The following USP46 variants were observed in gnomAD, a reference collection of about 807,000 sequenced individuals.
The protein encoded by USP46 is ubiquitin carboxyl-terminal hydrolase 46.
USP46 carries 12 observed loss-of-function variants against 44.4 expected under a neutral mutation model. That is an observed-to-expected ratio of 0.27 (90% confidence interval 0.17 to 0.44). The LOEUF (loss-of-function observed/expected upper bound fraction) is 0.44. Ranked by LOEUF, USP46 falls within the 20% of genes least tolerant of loss-of-function variation. The pLI is 1.00. For missense variants in USP46, 248 were observed against 444.8 expected, an observed-to-expected ratio of 0.56 and a Z score of 3.98; for synonymous variants, 155 against 161.5, an observed-to-expected ratio of 0.96 and a Z score of 0.31.
At chr4:52,630,736 CAAAAA>C (rs10566870) in intron 2 of USP46, among the ~76,000 whole-genome samples, 1 of 92,290 alleles carries the variant, frequency 1.1e-5, no homozygotes, top group Non-Finnish European at 2.2e-5. Flanking sequence ...GACTCTGTCT[CAAAAA>C]AAAAAAAAAA....
intron 1 of USP46, among the ~76,000 whole-genome samples, chr4:52,647,271 A>C (rs1331084316): frequency 9.2e-5 from 14 of 152,226 alleles, no homozygotes. Context: ...CTAAGAGAGA[A>C]ATATAAACAC....
At chr4:52,610,460 G>C in intron 5 of USP46, 81 bp downstream of exon 5, 1 of 1,223,710 alleles carries the variant, frequency 8.2e-7, no homozygotes. Flanking sequence ...GGAAGATTAT[G>C]TCCTGAAGAA....
rs539293981 is a variant in USP46, at chr4:52,616,908, T to G, written c.562-6291A>C. 3.3e-5 allele frequency among the ~76,000 whole-genome samples: 5 copies of G among 152,270 alleles called. No individual in the cohort carries two copies. The East Asian group carries it at 9.6e-4, about 29-fold the overall frequency. Reference sequence around the variant, plus strand: ...AAATAAAAAAGATCACAGGAGAAATTAGAAAATATTTTGAACTAATGCCAA... The same window carrying G: ...AAATAAAAAAGATCACAGGAGAAATGAGAAAATATTTTGAACTAATGCCAA... On this transcript the variant is annotated intron_variant, in intron 4 of 8. Coordinates refer to ENST00000441222, the MANE Select transcript of USP46 (RefSeq NM_022832.4).
chr4:52,607,340 AATGTTCTATACCTGTTGG>A (rs1257546983), intron 5 of USP46, among the ~76,000 whole-genome samples: 2 of 152,202 alleles, frequency 1.3e-5, no homozygotes, highest in East Asian at 3.8e-4. Context: ...GCTGTCAGTT[AATGTTCTATACCTGTTGG>A]AACAAAAGTG....
intron 1 of USP46, among the ~76,000 whole-genome samples, chr4:52,644,203 C>T (rs1718452276): frequency 6.6e-6 from 1 of 152,186 alleles, no homozygotes; most frequent in South Asian, 2.1e-4. Flanking sequence ...GGTTAACTAA[C>T]TTGCCAAGGT....
chr4:52,646,497 T>C (rs1485280982), intron 1 of USP46, among the ~76,000 whole-genome samples: 1 of 152,208 alleles, frequency 6.6e-6, no homozygotes, highest in Admixed American at 6.5e-5. Context: ...TGTGGTGAGC[T>C]ACATCCAGAA....
At chr4:52,598,399 T>C (rs889137307) in intron 8 of USP46, among the ~76,000 whole-genome samples, 2 of 152,190 alleles carry the variant, frequency 1.3e-5, no homozygotes, top group Non-Finnish European at 2.9e-5. Flanking sequence ...AGATCCCATG[T>C]CTATGGATGA....
chr4:52,632,056 GA>G (rs972160881), intron 1 of USP46, among the ~76,000 whole-genome samples: 2 of 151,604 alleles, frequency 1.3e-5, no homozygotes, highest in Non-Finnish European at 2.9e-5. Context: ...AAGGGAAGGG[GA>G]AGAAGGGGAA....
intron 7 of USP46, among the ~76,000 whole-genome samples, chr4:52,599,201 G>A (rs1192707847): frequency 6.6e-6 from 1 of 151,802 alleles, no homozygotes; most frequent in Admixed American, 6.6e-5. Context: ...AGTGAAGGGA[G>A]GCCACTTTGA....
intron 5 of USP46, among the ~76,000 whole-genome samples, chr4:52,606,822 G>C (rs189602566): frequency 8.5e-5 from 13 of 152,298 alleles, no homozygotes; most frequent in African/African-American, 2.6e-4. Flanking sequence ...GGGATGAAAG[G>C]CAAGAAAGCC....
At position 52,632,962 on chromosome 4, in the gene USP46, A is replaced by AAG. The variant is rs1717924048; in HGVS notation, c.37-1820_37-1819dup. On this transcript the variant is annotated intron_variant, in intron 1 of 8. Coordinates refer to ENST00000441222, the MANE Select transcript of USP46 (RefSeq NM_022832.4). ...AAAGAAAGAAAGAAAGAAAGAAAGA[A>AAG]AGAAAGAAAGAAAGAAAGAAAGAAA... Among the ~76,000 whole-genome samples the AAG allele has an allele frequency of 2.2e-4, 18 of 80,264 alleles. 1 individual carries two copies. The highest frequency in any genetic ancestry group is 1.1e-3 in the African/African-American group (18 of 16,212). The allele number at this position is 80,264 out of a possible 152,430, so 52.7% of individuals were successfully genotyped here.
rs1391391365 is a variant in USP46, at chr4:52,591,743, C to T, written c.*5897G>A. The T allele has an allele frequency of 1.3e-5, 2 of 152,138 alleles. No individual in the cohort carries two copies. The highest frequency in any genetic ancestry group is 1.3e-4 in the Admixed American group (2 of 15,262). The allele number at this position is 152,138 out of a possible 1,614,324, so 9.4% of individuals were successfully genotyped here. A position where few individuals can be genotyped will look rare whatever the true frequency, so the allele number is the denominator to read the frequency against. ...TAAAACATAAAGGAACCTTAAAAAG[C>T]AAACAAAGGCTGATGCACCAATAAA... is the stretch of plus-strand genomic sequence containing the variant. On this transcript the variant is annotated 3_prime_UTR_variant, in exon 9 of 9. Coordinates refer to ENST00000441222, the MANE Select transcript of USP46 (RefSeq NM_022832.4).
At chr4:52,642,660 T>C (rs955556690) in intron 1 of USP46, among the ~76,000 whole-genome samples, 3 of 152,154 alleles carry the variant, frequency 2.0e-5, no homozygotes, top group Non-Finnish European at 4.4e-5. Context: ...AAACATAAAA[T>C]TGAGGTTGGG....
intron 7 of USP46, among the ~76,000 whole-genome samples, chr4:52,599,877 C>T (rs1407442624): frequency 6.6e-6 from 1 of 152,106 alleles, no homozygotes; most frequent in Admixed American, 6.6e-5. Flanking sequence ...TCACACACTG[C>T]CCCCTTCATA....
At chr4:52,645,181 C>T (rs1023107477) in intron 1 of USP46, among the ~76,000 whole-genome samples, 3 of 149,078 alleles carry the variant, frequency 2.0e-5, no homozygotes, top group South Asian at 2.1e-4. Flanking sequence ...GCCGAGATCG[C>T]GCCACTGCAC....
At chr4:52,637,641 T>C (rs542821229) in intron 1 of USP46, among the ~76,000 whole-genome samples, 1 of 152,158 alleles carries the variant, frequency 6.6e-6, no homozygotes, top group Admixed American at 6.5e-5. Context: ...TTTACTCTAC[T>C]GCCACCAGCT....
Position 52,594,646 on chromosome 4 carries a change from T to A in USP46, c.*2994A>T, listed in dbSNP as rs536110585. ...AAATCCATCTGTAATAAAGCTACAC[T>A]CCAATATCTAAAATAAGCCCTAAGC... On this transcript the variant is annotated 3_prime_UTR_variant, in exon 9 of 9. Transcript: ENST00000441222. 1 of 152,272 alleles carries A rather than the reference T, an allele frequency of 6.6e-6. No individual in the cohort carries two copies. The highest frequency in any genetic ancestry group is 1.9e-4 in the East Asian group (1 of 5,186). The allele number at this position is 152,272 out of a possible 1,614,324, so 9.4% of individuals were successfully genotyped here.
intron 4 of USP46, 148 bp from the exon 5 acceptor site, chr4:52,610,765 A>T (rs1716908055): frequency 3.1e-6 from 2 of 654,876 alleles, no homozygotes; most frequent in Middle Eastern, 3.8e-4. Context: ...GCACCCAGTT[A>T]CCTCAAAAAC....
chr4:52,627,805 T>G (rs1319127278), intron 3 of USP46, 145 bp downstream of exon 3: 2 of 916,194 alleles, frequency 2.2e-6, no homozygotes, highest in African/African-American at 3.4e-5. Flanking sequence ...GAAGAAATGT[T>G]GTTTCTTAAA....
Sources: allele counts gnomAD v4.1 joint callset (sites outside exome capture counted in the v4.1 genomes callset), GRCh38; gene constraint gnomAD v4.1.1; transcripts MANE v1.5; gene names NCBI Gene and HGNC (gene_info 2026-07-23, HGNC 2026-07-21).